The following TMED8 variants were observed in gnomAD, a reference collection of about 807,000 sequenced individuals.
The protein encoded by TMED8 is transmembrane p24 trafficking protein family member 8.
In TMED8, 15 loss-of-function variants were observed where a neutral mutation model predicts 32.7. The observed-to-expected ratio is 0.46, with a 90% CI of 0.31 to 0.71. TMED8 has a LOEUF of 0.71. Ranked by LOEUF, TMED8 falls within the 30% of genes least tolerant of loss-of-function variation. TMED8 has a pLI of 0.06. For missense variants in TMED8, 390 were observed against 423.9 expected (o/e 0.92, Z 0.70); for synonymous variants, 147 against 161.4 (o/e 0.91, Z 0.68).
rs1365010431 is a variant in TMED8 at position 77,340,482 on chromosome 14, AAC to A, written c.*1287_*1288del. On this transcript the variant is annotated 3_prime_UTR_variant, in exon 6 of 6. Transcript: ENST00000216468. Reference sequence around the variant, plus strand: ...GAGGAGTAAGAGACAGGGAGGTACAAACACAGAGACTGCTGAGGTCCCATCTC... The same window carrying A: ...GAGGAGTAAGAGACAGGGAGGTACAAACAGAGACTGCTGAGGTCCCATCTC... The A allele has an allele frequency of 2.0e-5, 3 of 152,226 alleles. No individual in the cohort carries two copies. The highest frequency in any genetic ancestry group is 4.4e-5 in the Non-Finnish European group (3 of 68,036). The allele number at this position is 152,226 out of a possible 1,614,324, so 9.4% of individuals were successfully genotyped here.
intron 1 of TMED8, among the ~76,000 whole-genome samples, chr14:77,375,598 T>C (rs898033714): frequency 2.6e-5 from 4 of 152,308 alleles, no homozygotes; most frequent in Admixed American, 2.6e-4. Flanking sequence ...AGGCAAAATT[T>C]GTCAGGTGTT....
chr14:77,375,844 T>C (rs1353982305), intron 1 of TMED8, among the ~76,000 whole-genome samples: 1 of 152,230 alleles, frequency 6.6e-6, no homozygotes, highest in Non-Finnish European at 1.5e-5. Flanking sequence ...CCATGGACTA[T>C]ACCCCAAATG....
intron 5 of TMED8, among the ~76,000 whole-genome samples, 164 bp downstream of exon 5, chr14:77,343,014 C>T (rs904931907): frequency 6.6e-6 from 1 of 152,156 alleles, no homozygotes; most frequent in African/African-American, 2.4e-5. Flanking sequence ...GCAGTATCAA[C>T]CCCACCAGAA....
At chr14:77,367,487 T>G (rs1265959561) in intron 1 of TMED8, among the ~76,000 whole-genome samples, 2 of 152,110 alleles carry the variant, frequency 1.3e-5, no homozygotes, top group African/African-American at 2.4e-5. Context: ...TTCCTTGCTT[T>G]CTTTATAGCT....
chr14:77,371,119 CA>C (rs1893669906), intron 1 of TMED8, among the ~76,000 whole-genome samples: 1 of 152,094 alleles, frequency 6.6e-6, no homozygotes, highest in Non-Finnish European at 1.5e-5. Flanking sequence ...ATTACCATTA[CA>C]AACAATGCCA....
At chr14:77,358,685 C>A (rs975232294) in intron 1 of TMED8, among the ~76,000 whole-genome samples, 6 of 152,170 alleles carry the variant, frequency 3.9e-5, no homozygotes, top group Non-Finnish European at 8.8e-5. Flanking sequence ...ATAATATTCA[C>A]ATATATACAT....
intron 1 of TMED8, among the ~76,000 whole-genome samples, chr14:77,360,127 T>A (rs1355445376): frequency 1.3e-5 from 2 of 152,212 alleles, no homozygotes; most frequent in Non-Finnish European, 2.9e-5. Context: ...AAATCCATCA[T>A]CCCACAGCTA....
chr14:77,368,316 T>C (rs1160354751), intron 1 of TMED8, among the ~76,000 whole-genome samples: 4 of 152,210 alleles, frequency 2.6e-5, no homozygotes, highest in Non-Finnish European at 5.9e-5. Flanking sequence ...TTGGTCATGT[T>C]AAAATTTTTT....
At chr14:77,371,794 T>C (rs1893684358) in intron 1 of TMED8, among the ~76,000 whole-genome samples, 1 of 152,206 alleles carries the variant, frequency 6.6e-6, no homozygotes, top group African/African-American at 2.4e-5. Flanking sequence ...GCTTTTATTA[T>C]ATTAGCCAAA....
At chr14:77,362,274 G>C (rs924684249) in intron 1 of TMED8, among the ~76,000 whole-genome samples, 1 of 151,500 alleles carries the variant, frequency 6.6e-6, no homozygotes, top group African/African-American at 2.4e-5. Context: ...GGTCATCCTT[G>C]CCTTGTGCCA....
chr14:77,365,108 C>T (rs1311459603), intron 1 of TMED8, among the ~76,000 whole-genome samples: 1 of 152,190 alleles, frequency 6.6e-6, no homozygotes, highest in East Asian at 1.9e-4. Flanking sequence ...CCCACTGAAT[C>T]TCCTTCAGAT....
rs777676218 is a variant in TMED8, at chr14:77,351,557, G to A, written c.197+116C>T. ...ATTACAGGCGTGAGCCACTGCGCCC[G>A]GCCCACATTCTTTACTTTAACTTGC... On this transcript the variant is annotated intron_variant, in intron 2 of 5. Transcript: ENST00000216468. 55 of 948,760 alleles carry A rather than the reference G, an allele frequency of 5.8e-5. 1 individual carries two copies. The highest frequency in any genetic ancestry group is 8.4e-5 in the African/African-American group (5 of 59,736). The allele number at this position is 948,760 out of a possible 1,614,324, so 58.8% of individuals were successfully genotyped here.
intron 2 of TMED8, among the ~76,000 whole-genome samples, chr14:77,348,508 C>T (rs757257286): frequency 3.3e-5 from 5 of 152,200 alleles, no homozygotes; most frequent in Non-Finnish European, 7.3e-5. Context: ...CAGGCATGAG[C>T]CACCGCGCCC....
At chr14:77,350,847 A>G in intron 2 of TMED8, among the ~76,000 whole-genome samples, 1 of 152,206 alleles carries the variant, frequency 6.6e-6, no homozygotes, top group East Asian at 1.9e-4. Flanking sequence ...GTTAAACAGG[A>G]TATGTGCCAC....
chr14:77,367,240 TAAAAAAAAAAAAAAAA>T (rs56707120), intron 1 of TMED8, among the ~76,000 whole-genome samples: 1 of 25,074 alleles, frequency 4.0e-5, no homozygotes. Context: ...AGACTCTGTC[TAAAAAAAAAAAAAAAA>T]AAAAAAAAAA....
chr14:77,376,789 G>A lies in TMED8; in HGVS notation c.118+147C>T, dbSNP rs971019243. On this transcript the variant is annotated intron_variant, in intron 1 of 5. Transcript: ENST00000216468. This position sits in a 1 kb window ranked among gnomAD's most constrained non-coding sequence, Gnocchi z 4.0. ...CCAGGGCCCGGGTGGTGGCAGCGGC[G>A]GGGAAGGGGCCCCGCGCGCGAAGGG... The A allele has an allele frequency of 1.8e-4, 71 of 387,736 alleles. 1 individual carries two copies. In the South Asian group the frequency reaches 8.7e-3, roughly 47 times the overall value. 24.0% of individuals were successfully genotyped at this position (387,736 alleles called of 1,614,324 possible).
intron 1 of TMED8, among the ~76,000 whole-genome samples, chr14:77,373,440 C>G (rs191815760): frequency 6.6e-6 from 1 of 152,120 alleles, no homozygotes; most frequent in Non-Finnish European, 1.5e-5. Flanking sequence ...AAATAAAAGA[C>G]TATTAAAAAC....
At chr14:77,356,381 G>A (rs1440688898) in intron 1 of TMED8, among the ~76,000 whole-genome samples, 2 of 152,106 alleles carry the variant, frequency 1.3e-5, no homozygotes, top group Non-Finnish European at 2.9e-5. Context: ...AATTACTGCT[G>A]TTTAAAAACC....
intron 1 of TMED8, among the ~76,000 whole-genome samples, chr14:77,353,588 C>T (rs1279737733): frequency 6.6e-6 from 1 of 151,382 alleles, no homozygotes; most frequent in African/African-American, 2.4e-5. Context: ...GTAGCTGGGA[C>T]CACAGGCACA....
Sources: allele counts gnomAD v4.1 joint callset (sites outside exome capture counted in the v4.1 genomes callset), GRCh38; gene constraint gnomAD v4.1.1; non-coding constraint Gnocchi (gnomAD v3.1); transcripts MANE v1.5; gene names NCBI Gene and HGNC (gene_info 2026-07-23, HGNC 2026-07-21).